Variants in SEPTIN9 observed in about 807,000 individuals in gnomAD.
The protein encoded by SEPTIN9 is septin 9.
Under a neutral mutation model 56.6 loss-of-function variants are expected in SEPTIN9, and 13 were observed. That is an observed-to-expected ratio of 0.23 (90% confidence interval 0.15 to 0.37). The LOEUF is 0.37. Among genes scored for constraint, SEPTIN9 ranks in the 10% least tolerant of loss-of-function variants. The pLI is 1.00. For synonymous variants in SEPTIN9, 332 were observed against 334.1 expected (o/e 0.99, Z 0.07); for missense variants, 650 against 823.1 (o/e 0.79, Z 2.57).
rs761913562 is a variant in SEPTIN9, at chr17:77,310,415, A to G, written c.76+3218A>G. Among the ~76,000 whole-genome samples, 59 of 152,252 alleles carry G rather than the reference A, an allele frequency of 3.9e-4. No homozygotes were observed. Among genetic ancestry groups the G allele is most frequent in the Middle Eastern group, 3.4e-3 (1 of 292 alleles). On this transcript the variant is annotated intron_variant, in intron 2 of 11. Transcript: ENST00000427177. This position sits in a 1 kb window ranked among gnomAD's most constrained non-coding sequence, Gnocchi z 4.7. ...AGTGGCTGCCCTGCCTGTGCCCACA[A>G]CGTGACGGCGTGGAGACTTATCCGT...
At position 77,475,252 on chromosome 17, in the gene SEPTIN9, C is replaced by T. The variant is rs1383226942; in HGVS notation, c.722-6892C>T. ...GCACACATCATTATTCAGTTACCAT[C>T]GTGGGGAGACTGTCTGGACGCAGAG... On this transcript the variant is annotated intron_variant, in intron 3 of 11. Transcript: ENST00000427177. This position sits in a 1 kb window ranked among gnomAD's most constrained non-coding sequence, Gnocchi z 4.6. 16 of 1,370,012 alleles carry T rather than the reference C, an allele frequency of 1.2e-5. No individual in the cohort carries two copies. The highest frequency in any genetic ancestry group is 2.8e-5 in the East Asian group (1 of 35,842). 84.9% of individuals were successfully genotyped at this position (1,370,012 alleles called of 1,614,324 possible).
In SEPTIN9 at chr17:77,500,133, T is replaced by C. The variant is rs922640380; in HGVS notation, c.*1475T>C. 4.3e-6 allele frequency: 1 copy of C among 233,214 alleles called. No individual in the cohort carries two copies. 14.4% of individuals were successfully genotyped at this position (233,214 alleles called of 1,614,324 possible). On this transcript the variant is annotated 3_prime_UTR_variant, in exon 12 of 12. Coordinates refer to ENST00000427177, the MANE Select transcript of SEPTIN9 (RefSeq NM_001113491.2). ...ATCTGCAGGCACCGGGCTGGCTGCTTGCAGCCAGGAGAAGGTCAGCGAGAA... is the reference window on the plus strand; with the variant it reads ...ATCTGCAGGCACCGGGCTGGCTGCTCGCAGCCAGGAGAAGGTCAGCGAGAA...
At chr17:77,466,053 G>GTC (rs1410839850) in intron 3 of SEPTIN9, among the ~76,000 whole-genome samples, 53 of 103,112 alleles carry the variant, frequency 5.1e-4, no homozygotes, top group African/African-American at 2.0e-3. Context: ...TTTCTGGACT[G>GTC]TCACACACAC....
intron 3 of SEPTIN9, among the ~76,000 whole-genome samples, chr17:77,414,180 C>A (rs1345175533): frequency 6.6e-6 from 1 of 151,912 alleles, no homozygotes; most frequent in Admixed American, 6.6e-5. Flanking sequence ...CTGGGTTCAA[C>A]CAATTCTCCT....
chr17:77,393,022 A>T (rs1009981969), intron 2 of SEPTIN9, among the ~76,000 whole-genome samples: 1 of 150,624 alleles, frequency 6.6e-6, no homozygotes. Flanking sequence ...CCCAGGAGCC[A>T]CCTCCCTCCT....
intron 10 of SEPTIN9, among the ~76,000 whole-genome samples, chr17:77,495,774 G>A (rs1762686784): frequency 1.3e-5 from 2 of 152,204 alleles, no homozygotes; most frequent in Admixed American, 6.5e-5. Flanking sequence ...GGAGGGCCTA[G>A]GCAAAGGCAA....
chr17:77,382,605 A>G (rs1050513271), intron 2 of SEPTIN9, among the ~76,000 whole-genome samples: 9 of 152,318 alleles, frequency 5.9e-5, no homozygotes, highest in African/African-American at 2.2e-4. Context: ...CAGGTGGGAG[A>G]GAGGCACTGT....
rs575389571 is a variant in SEPTIN9 at position 77,421,124 on chromosome 17, G to A, written c.721+18421G>A. On this transcript the variant is annotated intron_variant, in intron 3 of 11. Transcript: ENST00000427177. The surrounding 1 kb of genome is among the most constrained non-coding windows in gnomAD (Gnocchi z 4.6). ...ACCTGGAGTGATAACACAGCCCAGT[G>A]TCTGGGCCCCTGCCTGAGACTTTGG... Among the ~76,000 whole-genome samples, 71 of 152,342 alleles carry A rather than the reference G, an allele frequency of 4.7e-4. 2 individuals carry two copies. In the South Asian group the frequency reaches 0.014, roughly 31 times the overall value.
intron 3 of SEPTIN9, among the ~76,000 whole-genome samples, chr17:77,469,845 C>G (rs1254817450): frequency 1.3e-5 from 2 of 149,834 alleles, no homozygotes; most frequent in African/African-American, 4.9e-5. Flanking sequence ...GTCAACCCAT[C>G]TATCCACTCA....
At position 77,492,128 on chromosome 17, in the gene SEPTIN9, C is replaced by T. The variant is rs914490522; in HGVS notation, c.1381-493C>T. ...GTCCACACAAAGTGGGTGTGTCTGC[C>T]GGAGGCTACACACGGGCTGTGGTCT... On this transcript the variant is annotated intron_variant, in intron 8 of 11. Transcript: ENST00000427177. The surrounding 1 kb of genome is among the most constrained non-coding windows in gnomAD (Gnocchi z 5.4). Among the ~76,000 whole-genome samples, 2 of 152,176 alleles carry T rather than the reference C, an allele frequency of 1.3e-5. No homozygotes were observed. The highest frequency in any genetic ancestry group is 2.4e-5 in the African/African-American group (1 of 41,446).
intron 2 of SEPTIN9, chr17:77,320,482 C>T (rs945749974): frequency 2.1e-5 from 17 of 826,134 alleles, no homozygotes; most frequent in South Asian, 8.7e-5. Context: ...TTCTTTTTGA[C>T]GGTTCCAAGC....
intron 2 of SEPTIN9, chr17:77,376,012 C>G (rs2034906716): frequency 1.3e-6 from 1 of 753,314 alleles, no homozygotes. Flanking sequence ...TTCAGCCCAG[C>G]CAGGGGTGAT....
At position 77,482,996 on chromosome 17, in the gene SEPTIN9, G is replaced by C. The variant is rs112118863; in HGVS notation, c.913+661G>C. The C allele has an allele frequency of 2.9e-3, 509 of 175,014 alleles. 3 individuals carry two copies. Among genetic ancestry groups the C allele is most frequent in the African/African-American group, 0.012 (489 of 42,232 alleles). The allele number at this position is 175,014 out of a possible 1,614,324, so 10.8% of individuals were successfully genotyped here. On this transcript the variant is annotated intron_variant, in intron 4 of 11. Transcript: ENST00000427177. Reference sequence around the variant, plus strand: ...GCAGAAGCGAGGCTCAGGGAAGGCTGCCAAGGTTCCTTAGCTCACAGGGCA... The same window carrying C: ...GCAGAAGCGAGGCTCAGGGAAGGCTCCCAAGGTTCCTTAGCTCACAGGGCA...
At chr17:77,338,818 T>C (rs1043387410) in intron 2 of SEPTIN9, among the ~76,000 whole-genome samples, 14 of 152,210 alleles carry the variant, frequency 9.2e-5, no homozygotes, top group African/African-American at 3.4e-4. Flanking sequence ...TTACCCACAA[T>C]AGAGCTTCCT....
chr17:77,356,838 C>T (rs1249303929), intron 2 of SEPTIN9, among the ~76,000 whole-genome samples: 1 of 148,154 alleles, frequency 6.7e-6, no homozygotes, highest in East Asian at 2.1e-4. Flanking sequence ...CCTCAGGAGA[C>T]ACAACCCTAG....
chr17:77,295,296 AT>A (rs938710255), intron 1 of SEPTIN9, among the ~76,000 whole-genome samples: 3 of 152,098 alleles, frequency 2.0e-5, no homozygotes, highest in Admixed American at 6.6e-5. Context: ...TGACCTGGAG[AT>A]TGGCAGCAGG....
In SEPTIN9 at chr17:77,355,710, C is replaced by T. The variant is rs548937060; in HGVS notation, c.77-46349C>T. Reference sequence around the variant, plus strand: ...CTTAGAAGTGCTCCCTGGCCGGGCGCGGTGGCTCACACCTGTAATCCCAGC... The same window carrying T: ...CTTAGAAGTGCTCCCTGGCCGGGCGTGGTGGCTCACACCTGTAATCCCAGC... On this transcript the variant is annotated intron_variant, in intron 2 of 11. Coordinates refer to ENST00000427177, the MANE Select transcript of SEPTIN9 (RefSeq NM_001113491.2). Among the ~76,000 whole-genome samples, 179 of 152,022 alleles carry T rather than the reference C, an allele frequency of 1.2e-3. 1 individual carries two copies. The highest frequency in any genetic ancestry group is 3.7e-3 in the Admixed American group (56 of 15,272).
At position 77,465,152 on chromosome 17, in the gene SEPTIN9, A is replaced by G. The variant is rs2038659086; in HGVS notation, c.722-16992A>G. 2.6e-5 allele frequency among the ~76,000 whole-genome samples: 4 copies of G among 152,208 alleles called. No homozygotes were observed. The South Asian group carries it at 8.3e-4, about 31-fold the overall frequency. On this transcript the variant is annotated intron_variant, in intron 3 of 11. Coordinates refer to ENST00000427177, the MANE Select transcript of SEPTIN9 (RefSeq NM_001113491.2). Reference sequence around the variant, plus strand: ...TAGAATATTTTCAAGGCTCATCCACATTGTAGCAGGTGCTGGTGCTTCATT... The same window carrying G: ...TAGAATATTTTCAAGGCTCATCCACGTTGTAGCAGGTGCTGGTGCTTCATT...
intron 2 of SEPTIN9, among the ~76,000 whole-genome samples, chr17:77,395,344 G>A (rs557575707): frequency 3.9e-5 from 6 of 152,116 alleles, no homozygotes; most frequent in Admixed American, 6.5e-5. Flanking sequence ...TGGCTAACAC[G>A]GTGAAATCGT....
Sources: allele counts gnomAD v4.1 joint callset (sites outside exome capture counted in the v4.1 genomes callset), GRCh38; gene constraint gnomAD v4.1.1; non-coding constraint Gnocchi (gnomAD v3.1); transcripts MANE v1.5; gene names NCBI Gene and HGNC (gene_info 2026-07-23, HGNC 2026-07-21).